The following LINGO2 variants were observed in gnomAD, a reference collection of about 807,000 sequenced individuals.
LINGO2 encodes leucine-rich repeat and immunoglobulin-like domain-containing nogo receptor-interacting protein 2.
LINGO2 carries 14 observed loss-of-function variants against 30.6 expected under a neutral mutation model. That is an observed-to-expected ratio of 0.46 (90% confidence interval 0.30 to 0.72). LINGO2 has a LOEUF of 0.72. Ranked by LOEUF, LINGO2 falls within the 30% of genes least tolerant of loss-of-function variation. The probability of loss-of-function intolerance (pLI) is 0.07; values close to 1 mark genes in which losing one functional copy is unlikely to be tolerated. For synonymous variants in LINGO2, 317 were observed against 288.5 expected (o/e 1.10, Z -1.00); for missense variants, 729 against 751.7 (o/e 0.97, Z 0.35).
intron 1 of LINGO2, among the ~76,000 whole-genome samples, chr9:28,513,882 G>T (rs1278966841): frequency 6.6e-6 from 1 of 152,186 alleles, no homozygotes; most frequent in East Asian, 1.9e-4. Flanking sequence ...TGCTTTGCAG[G>T]TATTGCATTT....
the LINGO2 span, among the ~76,000 whole-genome samples, chr9:28,695,076 A>G: frequency 6.7e-6 from 1 of 150,136 alleles, no homozygotes; most frequent in Non-Finnish European, 1.5e-5. Context: ...CAAACAAACA[A>G]GCACTCCTGT....
At chr9:29,109,253 C>T in the LINGO2 span, among the ~76,000 whole-genome samples, 1 of 152,020 alleles carries the variant, frequency 6.6e-6, no homozygotes, top group South Asian at 2.1e-4. Context: ...GTTGAGATGC[C>T]CAAAGTAGTC....
intron 2 of LINGO2, among the ~76,000 whole-genome samples, chr9:28,380,438 T>C (rs1206420936): frequency 6.6e-6 from 1 of 150,458 alleles, no homozygotes; most frequent in African/African-American, 2.4e-5. Flanking sequence ...CAATACTTCA[T>C]GGAGAAAAAG....
intron 4 of LINGO2, among the ~76,000 whole-genome samples, chr9:28,185,060 G>A (rs1356920113): frequency 6.6e-6 from 1 of 152,160 alleles, no homozygotes; most frequent in Non-Finnish European, 1.5e-5. Context: ...ATGCCAGAAA[G>A]GCCCAGCTAC....
At chr9:28,239,655 T>A (rs1352172782) in intron 4 of LINGO2, among the ~76,000 whole-genome samples, 1 of 152,182 alleles carries the variant, frequency 6.6e-6, no homozygotes, top group Non-Finnish European at 1.5e-5. Context: ...AATCTGCTTA[T>A]GACAAACCCA....
intron 3 of LINGO2, among the ~76,000 whole-genome samples, chr9:28,298,532 A>T (rs1034302473): frequency 7.3e-5 from 11 of 150,020 alleles, no homozygotes; most frequent in African/African-American, 2.5e-4. Flanking sequence ...AAAAATACAA[A>T]ATTAGCTGGG....
At chr9:28,736,448 C>G in the LINGO2 span, among the ~76,000 whole-genome samples, 94 of 152,262 alleles carry the variant, frequency 6.2e-4, 1 homozygote, top group African/African-American at 2.2e-3. Context: ...TTAGCTTCGA[C>G]TTCTTCATTT....
the LINGO2 span, among the ~76,000 whole-genome samples, chr9:29,074,772 G>A: frequency 1.5e-5 from 2 of 136,736 alleles, no homozygotes. Context: ...TGCAGCCTCT[G>A]CCTCCCAGGT....
At chr9:28,429,833 G>T (rs1010549354) in intron 2 of LINGO2, among the ~76,000 whole-genome samples, 12 of 151,948 alleles carry the variant, frequency 7.9e-5, no homozygotes, top group Non-Finnish European at 2.9e-5. Flanking sequence ...AAATTGAGAA[G>T]CAGGAAAAAA....
chr9:28,047,995 AAAAT>A (rs1824503094), intron 4 of LINGO2, among the ~76,000 whole-genome samples: 1 of 150,604 alleles, frequency 6.6e-6, no homozygotes, highest in South Asian at 2.1e-4. Flanking sequence ...ACTGTAATAG[AAAAT>A]AAAAAGAAAA....
At chr9:28,867,002 A>C in the LINGO2 span, among the ~76,000 whole-genome samples, 2 of 152,174 alleles carry the variant, frequency 1.3e-5, no homozygotes, top group African/African-American at 4.8e-5. Context: ...AACTGAAATA[A>C]AACAAATAAG....
the LINGO2 span, among the ~76,000 whole-genome samples, chr9:29,125,477 A>C: frequency 6.6e-6 from 1 of 152,120 alleles, no homozygotes; most frequent in Admixed American, 6.6e-5. Flanking sequence ...AGATTAGAAT[A>C]GTTTAGAATA....
In LINGO2 at chr9:28,639,185, C is replaced by A. The variant is rs189289329; in HGVS notation, c.-365+31015G>T. On this transcript the variant is annotated intron_variant, in intron 1 of 5. Coordinates refer to ENST00000379992, the Ensembl canonical transcript of LINGO2. ...TTTCATTGCACTGTGGTCTGAGAGA[C>A]AGTTTGTTATAATTTCTGTTCTTTT... Among the ~76,000 whole-genome samples the A allele has an allele frequency of 7.3e-3, 1,113 of 152,176 alleles. 12 individuals are homozygous for A. Among genetic ancestry groups the A allele is most frequent in the Non-Finnish European group, 0.01 (710 of 67,986 alleles).
chr9:29,066,018 A>C, the LINGO2 span, among the ~76,000 whole-genome samples: 1 of 151,946 alleles, frequency 6.6e-6, no homozygotes, highest in Non-Finnish European at 1.5e-5. Flanking sequence ...GCTGAATTAA[A>C]GCTACTTCAG....
At chr9:28,220,763 A>G (rs1362375787) in intron 4 of LINGO2, among the ~76,000 whole-genome samples, 1 of 152,166 alleles carries the variant, frequency 6.6e-6, no homozygotes, top group Non-Finnish European at 1.5e-5. Flanking sequence ...ATCGGTCTCC[A>G]GAAAAATTGA....
intron 1 of LINGO2, among the ~76,000 whole-genome samples, chr9:28,564,204 T>A (rs1215804722): frequency 6.6e-6 from 1 of 152,116 alleles, no homozygotes; most frequent in Admixed American, 6.5e-5. Context: ...GGAACAATAG[T>A]CTTTTACATA....
intron 2 of LINGO2, among the ~76,000 whole-genome samples, chr9:28,441,971 G>A (rs576771366): frequency 6.6e-6 from 1 of 151,994 alleles, no homozygotes; most frequent in Non-Finnish European, 1.5e-5. Context: ...TCTTCAAAAT[G>A]TATATCGATT....
chr9:28,284,059 C>G (rs1823420299), intron 4 of LINGO2, among the ~76,000 whole-genome samples: 1 of 152,136 alleles, frequency 6.6e-6, no homozygotes, highest in Non-Finnish European at 1.5e-5. Context: ...TCGTTAGCCT[C>G]TGGCATGACT....
chr9:29,138,451 A>G, the LINGO2 span, among the ~76,000 whole-genome samples: 3,718 of 152,214 alleles, frequency 0.024, 127 homozygotes, highest in African/African-American at 0.083. Flanking sequence ...GTTTTCCTAT[A>G]TAGTTATTGA....
Sources: allele counts gnomAD v4.1 joint callset (sites outside exome capture counted in the v4.1 genomes callset), GRCh38; gene constraint gnomAD v4.1.1; transcripts MANE v1.5; gene names NCBI Gene and HGNC (gene_info 2026-07-23, HGNC 2026-07-21).